The following ARMC8 variants were observed in gnomAD, a reference collection of about 807,000 sequenced individuals.
ARMC8 encodes armadillo repeat-containing protein 8.
In ARMC8, 20 loss-of-function variants were observed where a neutral mutation model predicts 99.3. The ratio of observed to expected loss-of-function variants is 0.20; its 90% CI spans 0.14 to 0.29. The LOEUF (loss-of-function observed/expected upper bound fraction) is 0.29, where lower values mean the gene tolerates loss of function less well. Among genes scored for constraint, ARMC8 ranks in the 10% least tolerant of loss-of-function variants. ARMC8 has a pLI of 1.00. For synonymous variants in ARMC8, 263 were observed against 278.3 expected (o/e 0.95, Z 0.55); for missense variants, 569 against 809.5 (o/e 0.70, Z 3.60).
intron 2 of ARMC8, among the ~76,000 whole-genome samples, chr3:138,218,291 C>G (rs926071761): frequency 3.9e-5 from 6 of 152,152 alleles, no homozygotes; most frequent in African/African-American, 1.4e-4. Flanking sequence ...ATTTCACATT[C>G]AGCTTATTTT....
rs572539336 is a variant in ARMC8, at chr3:138,228,816, T to TTAAGA, written c.436-96_436-92dup. On this transcript the variant is annotated intron_variant, in intron 5 of 21. Transcript: ENST00000469044. ...CTTAAGGAGACTTGATTGACTGTCATTAAGATAAGAGATTTGACTACCTTC... is the reference window on the plus strand; with the variant it reads ...CTTAAGGAGACTTGATTGACTGTCATTAAGATAAGATAAGAGATTTGACTACCTTC... The TTAAGA allele has an allele frequency of 7.5e-5, 53 of 708,528 alleles. 1 individual carries two copies. The South Asian group carries it at 7.9e-4, about 11-fold the overall frequency. The allele number at this position is 708,528 out of a possible 1,614,324, so 43.9% of individuals were successfully genotyped here. A position where few individuals can be genotyped will look rare whatever the true frequency, so the allele number is the denominator to read the frequency against.
At chr3:138,197,556 T>C (rs143214494) in intron 1 of ARMC8, among the ~76,000 whole-genome samples, 1 of 152,326 alleles carries the variant, frequency 6.6e-6, no homozygotes, top group East Asian at 1.9e-4. Flanking sequence ...GAAGTTGGCA[T>C]TTAAATACAT....
At chr3:138,294,374 G>C (rs983077721) in intron 21 of ARMC8, among the ~76,000 whole-genome samples, 23 of 152,194 alleles carry the variant, frequency 1.5e-4, no homozygotes, top group Admixed American at 3.9e-4. Flanking sequence ...GCCTCTTTAA[G>C]TATTTGGGGA....
At chr3:138,253,461 A>G (rs888926584) in intron 12 of ARMC8, among the ~76,000 whole-genome samples, 1 of 152,208 alleles carries the variant, frequency 6.6e-6, no homozygotes, top group African/African-American at 2.4e-5. Context: ...GTTTTTAACT[A>G]TTACATCACT....
At chr3:138,214,583 A>G (rs1161563808) in intron 2 of ARMC8, among the ~76,000 whole-genome samples, 1 of 152,242 alleles carries the variant, frequency 6.6e-6, no homozygotes, top group African/African-American at 2.4e-5. Flanking sequence ...TAAAGGGTTA[A>G]GTTTTAGAAT....
chr3:138,201,337 G>A (rs952360646), intron 1 of ARMC8, among the ~76,000 whole-genome samples: 4 of 146,088 alleles, frequency 2.7e-5, no homozygotes, highest in Admixed American at 1.4e-4. Flanking sequence ...CTATATCATC[G>A]TAATACTAAA....
intron 12 of ARMC8, chr3:138,261,638 G>C (rs539315055): frequency 6.6e-6 from 1 of 152,246 alleles, no homozygotes; most frequent in Non-Finnish European, 1.5e-5. Context: ...AAGATGGAAA[G>C]TGGGGAGAGG....
At chr3:138,231,421 A>C (rs2046021164) in intron 6 of ARMC8, among the ~76,000 whole-genome samples, 1 of 152,156 alleles carries the variant, frequency 6.6e-6, no homozygotes, top group Non-Finnish European at 1.5e-5. Context: ...ATAAATTTAC[A>C]TACTTTGGGG....
chr3:138,236,273 G>C (rs2046328940), intron 7 of ARMC8, among the ~76,000 whole-genome samples: 1 of 152,152 alleles, frequency 6.6e-6, no homozygotes, highest in African/African-American at 2.4e-5. Context: ...TATACTGAAA[G>C]GTACCTCCTC....
intron 12 of ARMC8, chr3:138,246,982 G>A: frequency 1.9e-6 from 1 of 518,634 alleles, no homozygotes; most frequent in Non-Finnish European, 2.5e-6. Context: ...GGGAAATTAA[G>A]TGTTTGAATA....
At chr3:138,246,121 G>T (rs2046869205) in intron 12 of ARMC8, 1 of 985,306 alleles carries the variant, frequency 1.0e-6, no homozygotes, top group Non-Finnish European at 1.2e-6. Flanking sequence ...CCTGTAGAAA[G>T]AGGAGTATGG....
chr3:138,234,110 T>C (rs2046204977), intron 6 of ARMC8, among the ~76,000 whole-genome samples: 1 of 152,104 alleles, frequency 6.6e-6, no homozygotes, highest in South Asian at 2.1e-4. Flanking sequence ...GTTTTTGTTT[T>C]TGTTTTTTTT....
chr3:138,262,063 G>A, intron 12 of ARMC8: 1 of 153,546 alleles, frequency 6.5e-6, no homozygotes, highest in Non-Finnish European at 1.5e-5. Flanking sequence ...GTCATGTTTG[G>A]TGGTTTTTCT....
chr3:138,280,329 A>G (rs1212471962), intron 18 of ARMC8, among the ~76,000 whole-genome samples: 3 of 149,352 alleles, frequency 2.0e-5, no homozygotes, highest in Non-Finnish European at 4.5e-5. Flanking sequence ...ATTATTATAT[A>G]TATTTTAAGA....
chr3:138,187,868 G>A, intron 1 of ARMC8: 1 of 522,316 alleles, frequency 1.9e-6, no homozygotes, highest in South Asian at 2.5e-5. Flanking sequence ...TGGGCTTATA[G>A]ACAACTGGCT....
chr3:138,193,607 T>C (rs1436954535), intron 1 of ARMC8, among the ~76,000 whole-genome samples: 3 of 152,220 alleles, frequency 2.0e-5, no homozygotes, highest in African/African-American at 7.2e-5. Context: ...CTTTGTAAGA[T>C]AGGTATTTGC....
At chr3:138,225,442 T>C (rs1256078070) in intron 5 of ARMC8, among the ~76,000 whole-genome samples, 1 of 152,216 alleles carries the variant, frequency 6.6e-6, no homozygotes, top group Non-Finnish European at 1.5e-5. Flanking sequence ...TACAATAGAT[T>C]ATTGTAAATT....
intron 12 of ARMC8, among the ~76,000 whole-genome samples, chr3:138,259,451 T>G (rs979459580): frequency 6.6e-6 from 1 of 152,266 alleles, no homozygotes; most frequent in South Asian, 2.1e-4. Flanking sequence ...TAGATCATAT[T>G]GTCCATACCC....
At position 138,298,010 on chromosome 3, in the gene ARMC8, A is replaced by G. The variant is rs1050013608; in HGVS notation, c.*2118A>G. The G allele has an allele frequency of 2.0e-5, 3 of 152,264 alleles. No individual in the cohort carries two copies. Among genetic ancestry groups the G allele is most frequent in the African/African-American group, 7.2e-5 (3 of 41,468 alleles). 9.4% of individuals were successfully genotyped at this position (152,264 alleles called of 1,614,324 possible). A position where few individuals can be genotyped will look rare whatever the true frequency, so the allele number is the denominator to read the frequency against. On this transcript the variant is annotated 3_prime_UTR_variant, in exon 22 of 22. Transcript: ENST00000469044. Reference sequence around the variant, plus strand: ...GCCTGTGGGTATAAACAGATGGTCAAATTAAAAATGCTTTACTATAATTAA... The same window carrying G: ...GCCTGTGGGTATAAACAGATGGTCAGATTAAAAATGCTTTACTATAATTAA...
Sources: gnomAD v4.1 joint callset for allele counts (sites outside exome capture counted in the v4.1 genomes callset) on GRCh38, gnomAD v4.1.1 for gene constraint, MANE v1.5 for transcripts, NCBI Gene and HGNC (gene_info 2026-07-23, HGNC 2026-07-21) for gene names.